Variants in CATSPERD observed in about 807,000 individuals in gnomAD.
The protein encoded by CATSPERD is catsper channel auxiliary subunit delta.
In CATSPERD, 86 loss-of-function variants were observed where a neutral mutation model predicts 98.1. The observed-to-expected ratio is 0.88, with a 90% CI of 0.74 to 1.05. CATSPERD has a LOEUF of 1.05. Among genes scored for constraint, CATSPERD ranks in the 50% least tolerant of loss-of-function variants. The probability of loss-of-function intolerance (pLI) is 0.00; values close to 1 mark genes in which losing one functional copy is unlikely to be tolerated. For synonymous variants in CATSPERD, 394 were observed against 390.2 expected (o/e 1.01, Z -0.12); for missense variants, 995 against 1,005.7 (o/e 0.99, Z 0.14).
chr19:5,772,352 C>T (rs192558256), intron 19 of CATSPERD: 6,813 of 245,118 alleles, frequency 0.028, 531 homozygotes, highest in African/African-American at 0.15. Context: ...CTCAGCCTCC[C>T]GAGTAGCTGG....
chr19:5,744,893 G>A (rs1026467106), intron 8 of CATSPERD, among the ~76,000 whole-genome samples: 7 of 151,956 alleles, frequency 4.6e-5, no homozygotes, highest in Middle Eastern at 6.8e-3. Context: ...AAGCCACGGC[G>A]CCCGGCATCG....
intron 18 of CATSPERD, among the ~76,000 whole-genome samples, 181 bp from the exon 19 acceptor site, chr19:5,770,763 A>G (rs2056628780): frequency 6.6e-6 from 1 of 152,140 alleles, no homozygotes; most frequent in South Asian, 2.1e-4. Flanking sequence ...CCAAAAAATT[A>G]ACTAGAACAG....
In CATSPERD at chr19:5,766,052, CG is replaced by C. The variant is rs1399119522; in HGVS notation, c.1507-48del. 6 of 1,461,206 alleles carry C rather than the reference CG, an allele frequency of 4.1e-6. No individual in the cohort carries two copies. In the African/African-American group the frequency reaches 5.6e-5, roughly 14 times the overall value. The allele number at this position is 1,461,206 out of a possible 1,614,324, so 90.5% of individuals were successfully genotyped here. On this transcript the variant is annotated intron_variant, in intron 16 of 21. Transcript: ENST00000381624. ...GTCCCTGTATAGGGTTCACTGTGTC[CG>C]GGTGACCCTCACTGACCTGGGTCCA...
chr19:5,747,047 G>A (rs2056108179), intron 9 of CATSPERD, among the ~76,000 whole-genome samples: 1 of 151,716 alleles, frequency 6.6e-6, no homozygotes, highest in Admixed American at 6.6e-5. Flanking sequence ...GTCCTCCTGT[G>A]TTGCCCAGGC....
chr19:5,760,374 A>G (rs145688958), intron 15 of CATSPERD, among the ~76,000 whole-genome samples: 1 of 147,490 alleles, frequency 6.8e-6, no homozygotes, highest in African/African-American at 2.4e-5. Context: ...ACTCCATGCT[A>G]GGTGATAGAG....
chr19:5,723,764 C>CTGTTT (rs1021998222), intron 1 of CATSPERD, among the ~76,000 whole-genome samples: 3 of 148,416 alleles, frequency 2.0e-5, no homozygotes, highest in Non-Finnish European at 4.5e-5. Context: ...CACACCTAGC[C>CTGTTT]TGTTTTGTTT....
rs564166119 is a variant in CATSPERD, at chr19:5,728,356, CAAA to C, written c.203+1028_203+1030del. Among the ~76,000 whole-genome samples the C allele has an allele frequency of 7.4e-3, 602 of 80,932 alleles. 3 individuals are homozygous for C. The highest frequency in any genetic ancestry group is 0.028 in the African/African-American group (565 of 20,312). The allele number at this position is 80,932 out of a possible 152,430, so 53.1% of individuals were successfully genotyped here. On this transcript the variant is annotated intron_variant, in intron 3 of 21. Transcript: ENST00000381624. ...CTGGCGACAGAGCGAGACTCTGTCT[CAAA>C]AAAAAAAAAAAAAAAGAAAAAGAAA...
chr19:5,747,814 G>T (rs12461875), intron 9 of CATSPERD, among the ~76,000 whole-genome samples: 49,985 of 151,692 alleles, frequency 0.33, 9,195 homozygotes, highest in East Asian at 0.69. Flanking sequence ...GTTTTGCCAT[G>T]TTGGCCAGCC....
intron 15 of CATSPERD, among the ~76,000 whole-genome samples, chr19:5,760,753 G>A (rs1313614703): frequency 6.6e-6 from 1 of 151,976 alleles, no homozygotes; most frequent in African/African-American, 2.4e-5. Context: ...TTGGGGCCCG[G>A]TGTGACGGCT....
At chr19:5,775,865 T>C (rs2056733084) in intron 20 of CATSPERD, among the ~76,000 whole-genome samples, 1 of 152,108 alleles carries the variant, frequency 6.6e-6, no homozygotes, top group Non-Finnish European at 1.5e-5. Context: ...CATTCTGCTT[T>C]TATGAGAAAG....
chr19:5,724,938 T>A, intron 2 of CATSPERD, 76 bp downstream of exon 2: 1 of 1,356,004 alleles, frequency 7.4e-7, no homozygotes, highest in East Asian at 2.3e-5. Flanking sequence ...TCCTGGTATT[T>A]CTTGGGTGCC....
chr19:5,735,131 A>C (rs898939632), intron 5 of CATSPERD, among the ~76,000 whole-genome samples: 1 of 152,098 alleles, frequency 6.6e-6, no homozygotes, highest in African/African-American at 2.4e-5. Context: ...CCATCTTTAC[A>C]AAAAACCTTA....
At chr19:5,736,981 C>T (rs769052963) in intron 5 of CATSPERD, among the ~76,000 whole-genome samples, 157 bp from the exon 6 acceptor site, 6 of 151,508 alleles carry the variant, frequency 4.0e-5, no homozygotes, top group Non-Finnish European at 4.4e-5. Context: ...GGCATGAACC[C>T]GGGAGGTGGA....
chr19:5,759,411 A>G (rs1400696783), intron 15 of CATSPERD, among the ~76,000 whole-genome samples: 2 of 151,880 alleles, frequency 1.3e-5, no homozygotes, highest in East Asian at 3.9e-4. Context: ...AAAAATAAAA[A>G]AAAATTAGCT....
At chr19:5,746,170 G>A (rs555078118) in intron 9 of CATSPERD, 107 bp downstream of exon 9, 2 of 1,223,510 alleles carry the variant, frequency 1.6e-6, no homozygotes, top group East Asian at 2.3e-5. Context: ...CGACCACTCG[G>A]TTATTTTTTC....
chr19:5,768,022 T>C, intron 17 of CATSPERD, 146 bp from the exon 18 acceptor site: 1 of 532,426 alleles, frequency 1.9e-6, no homozygotes, highest in Non-Finnish European at 3.4e-6. Context: ...GGTCTCCAAC[T>C]CCTGACCTCA....
rs141451609 is a variant in CATSPERD at position 5,763,177 on chromosome 19, T to G, written c.1428-38T>G. 3.1e-5 allele frequency: 47 copies of G among 1,517,800 alleles called. 1 individual carries two copies. In the Middle Eastern group the frequency reaches 5.1e-4, roughly 16 times the overall value. 94.0% of individuals were successfully genotyped at this position (1,517,800 alleles called of 1,614,324 possible). A position where few individuals can be genotyped will look rare whatever the true frequency, so the allele number is the denominator to read the frequency against. On this transcript the variant is annotated intron_variant, in intron 15 of 21. Coordinates refer to ENST00000381624, the MANE Select transcript of CATSPERD (RefSeq NM_152784.4). The stretch of plus-strand genomic sequence containing the variant: ...AATGCAGCTGTGTCGTTTACAGGGG[T>G]GCTATTCTCTAATAACACAGGTTCC...
chr19:5,725,535 C>T (rs2055588085), intron 2 of CATSPERD, among the ~76,000 whole-genome samples: 1 of 152,108 alleles, frequency 6.6e-6, no homozygotes, highest in Admixed American at 6.6e-5. Flanking sequence ...CAGGAAATGT[C>T]AGTTTACTTC....
At chr19:5,754,299 GC>G in intron 13 of CATSPERD, 54 bp downstream of exon 13, 1 of 1,271,464 alleles carries the variant, frequency 7.9e-7, no homozygotes, top group African/African-American at 1.5e-5. Context: ...CATGCCTGGT[GC>G]CCACTCCCAG....
Sources: allele counts gnomAD v4.1 joint callset (sites outside exome capture counted in the v4.1 genomes callset), GRCh38; gene constraint gnomAD v4.1.1; transcripts MANE v1.5; gene names NCBI Gene and HGNC (gene_info 2026-07-23, HGNC 2026-07-21).